PITPNC1: variants seen among roughly 807,000 people sequenced by gnomAD.
PITPNC1 encodes phosphatidylinositol transfer protein cytoplasmic 1, also known as cytoplasmic phosphatidylinositol transfer protein 1.
Under a neutral mutation model 44.7 loss-of-function variants are expected in PITPNC1, and 18 were observed. The ratio of observed to expected loss-of-function variants is 0.40; its 90% CI spans 0.28 to 0.60. The LOEUF is 0.60. Ranked by LOEUF, PITPNC1 falls within the 20% of genes least tolerant of loss-of-function variation. PITPNC1 has a pLI of 0.39. For missense variants in PITPNC1, 290 were observed against 418.4 expected (o/e 0.69, Z 2.68); for synonymous variants, 141 against 149.6 (o/e 0.94, Z 0.42).
intron 1 of PITPNC1, among the ~76,000 whole-genome samples, chr17:67,401,059 C>T (rs760751549): frequency 1.1e-4 from 17 of 151,906 alleles, no homozygotes; most frequent in Admixed American, 1.1e-3. Context: ...CTCAGCCTCC[C>T]GAGTAGCTGG....
At chr17:67,395,829 A>G (rs1304742791) in intron 1 of PITPNC1, among the ~76,000 whole-genome samples, 1 of 152,190 alleles carries the variant, frequency 6.6e-6, no homozygotes, top group Non-Finnish European at 1.5e-5. Context: ...GGTAACTAGA[A>G]TTGCATTTAG....
chr17:67,395,435 C>T (rs2038204934), intron 1 of PITPNC1, among the ~76,000 whole-genome samples: 1 of 152,112 alleles, frequency 6.6e-6, no homozygotes, highest in African/African-American at 2.4e-5. Context: ...AGGTGAGAGC[C>T]ACCACACCTG....
chr17:67,572,978 C>T (rs1246174292), intron 4 of PITPNC1, among the ~76,000 whole-genome samples: 2 of 152,206 alleles, frequency 1.3e-5, no homozygotes, highest in East Asian at 3.9e-4. Flanking sequence ...GACAGATTCT[C>T]TCCCAGAGTC....
chr17:67,451,894 C>T (rs1035399972), intron 1 of PITPNC1, among the ~76,000 whole-genome samples: 1 of 152,014 alleles, frequency 6.6e-6, no homozygotes, highest in Non-Finnish European at 1.5e-5. Flanking sequence ...CCTCGGCCTC[C>T]CAAAGTGCTG....
At chr17:67,386,389 C>T (rs1316751185) in intron 1 of PITPNC1, among the ~76,000 whole-genome samples, 1 of 152,134 alleles carries the variant, frequency 6.6e-6, no homozygotes, top group East Asian at 1.9e-4. Context: ...GTCGGGGTTT[C>T]ACCATGTTGT....
intron 5 of PITPNC1, among the ~76,000 whole-genome samples, chr17:67,592,765 A>G (rs1016965164): frequency 6.6e-6 from 1 of 152,234 alleles, no homozygotes; most frequent in Non-Finnish European, 1.5e-5. Context: ...GGCTGGACAC[A>G]GTGGCTCATG....
At chr17:67,479,873 GTACTTTTCTTTAATTAATAC>G (rs2039680335) in intron 1 of PITPNC1, among the ~76,000 whole-genome samples, 1 of 152,122 alleles carries the variant, frequency 6.6e-6, no homozygotes, top group South Asian at 2.1e-4. Context: ...GTCTGCCTCA[GTACTTTTCTTTAATTAATAC>G]TGTTTATGCT....
intron 1 of PITPNC1, among the ~76,000 whole-genome samples, chr17:67,504,435 C>T (rs1284483696): frequency 1.3e-5 from 2 of 152,174 alleles, no homozygotes; most frequent in African/African-American, 4.8e-5. Flanking sequence ...CTTTGCTATT[C>T]CAGGAACTAG....
intron 6 of PITPNC1, among the ~76,000 whole-genome samples, chr17:67,635,430 G>C (rs1458661028): frequency 6.6e-6 from 1 of 152,190 alleles, no homozygotes; most frequent in Non-Finnish European, 1.5e-5. Context: ...TACTGAAATG[G>C]GAAGGTGAGA....
In PITPNC1 at chr17:67,581,761, C is replaced by T. The variant is rs148718375; in HGVS notation, c.366+3504C>T. On this transcript the variant is annotated intron_variant, in intron 5 of 8. Transcript: ENST00000581322. Reference sequence around the variant, plus strand: ...AGAAAAGGAGCGTTGCGCCGAGGCACGGTGGCTCACGCCTGTAATCCCAGC... The same window carrying T: ...AGAAAAGGAGCGTTGCGCCGAGGCATGGTGGCTCACGCCTGTAATCCCAGC... Among the ~76,000 whole-genome samples the T allele has an allele frequency of 2.5e-3, 386 of 152,272 alleles. 2 individuals carry two copies. The highest frequency in any genetic ancestry group is 8.7e-3 in the African/African-American group (363 of 41,568).
chr17:67,441,408 C>G (rs769514541), intron 1 of PITPNC1, among the ~76,000 whole-genome samples: 4 of 152,162 alleles, frequency 2.6e-5, no homozygotes, highest in Non-Finnish European at 2.9e-5. Context: ...AGCTCAGCCT[C>G]TGATTTGCTC....
At chr17:67,567,649 C>G (rs755561965) in intron 4 of PITPNC1, among the ~76,000 whole-genome samples, 2 of 151,952 alleles carry the variant, frequency 1.3e-5, no homozygotes, top group Non-Finnish European at 2.9e-5. Context: ...ACAGTGTGAT[C>G]AGCAATTCCA....
intron 2 of PITPNC1, among the ~76,000 whole-genome samples, chr17:67,549,162 G>A (rs2040723648): frequency 6.6e-6 from 1 of 152,130 alleles, no homozygotes; most frequent in African/African-American, 2.4e-5. Flanking sequence ...AGACTGATTA[G>A]AAGAGTTCAG....
intron 2 of PITPNC1, among the ~76,000 whole-genome samples, chr17:67,550,949 T>G (rs1038355468): frequency 1.3e-5 from 2 of 152,066 alleles, no homozygotes; most frequent in Non-Finnish European, 2.9e-5. Context: ...TAGTCCCAGC[T>G]ACTCAGGAGG....
chr17:67,484,763 C>T (rs1171742115), intron 1 of PITPNC1, among the ~76,000 whole-genome samples: 1 of 152,050 alleles, frequency 6.6e-6, no homozygotes, highest in Non-Finnish European at 1.5e-5. Context: ...CATGGTGAAA[C>T]CTAGACTCTA....
chr17:67,398,128 T>C (rs139024408), intron 1 of PITPNC1, among the ~76,000 whole-genome samples: 1 of 150,850 alleles, frequency 6.6e-6, no homozygotes, highest in Non-Finnish European at 1.5e-5. Flanking sequence ...AAATTTTAAG[T>C]CCTGGTAATT....
At chr17:67,425,268 G>T in intron 1 of PITPNC1, among the ~76,000 whole-genome samples, 1 of 126,384 alleles carries the variant, frequency 7.9e-6, no homozygotes, top group Admixed American at 8.6e-5. Context: ...CACACAGAGG[G>T]AGAGAGAGAG....
rs2040140869 is a variant in PITPNC1 at position 67,508,841 on chromosome 17, G to C, written c.49-23961G>C. 1.3e-5 allele frequency among the ~76,000 whole-genome samples: 2 copies of C among 152,140 alleles called. No homozygotes were observed. The highest frequency in any genetic ancestry group is 2.1e-4 in the South Asian group (1 of 4,832). ...TGTGGTGACGGAACGTTCTAGTGATGGCTGCACAACATTGTGGTTGTACTT... is the reference window on the plus strand; with the variant it reads ...TGTGGTGACGGAACGTTCTAGTGATCGCTGCACAACATTGTGGTTGTACTT... On this transcript the variant is annotated intron_variant, in intron 1 of 8. Transcript: ENST00000581322. The surrounding 1 kb of genome is among the most constrained non-coding windows in gnomAD (Gnocchi z 4.2).
Position 67,695,230 on chromosome 17 carries a change from T to A in PITPNC1, c.*2342T>A, listed in dbSNP as rs2042990476. 1 of 152,220 alleles carries A rather than the reference T, an allele frequency of 6.6e-6. No individual in the cohort carries two copies. The highest frequency in any genetic ancestry group is 2.1e-4 in the South Asian group (1 of 4,832). The allele number at this position is 152,220 out of a possible 1,614,324, so 9.4% of individuals were successfully genotyped here. On this transcript the variant is annotated 3_prime_UTR_variant, in exon 9 of 9. Coordinates refer to ENST00000581322, the MANE Select transcript of PITPNC1 (RefSeq NM_012417.4). ...TATGTTCAGTTTTTCTGTCTACATA[T>A]GCTTTGTGTGAGTTAAAAAGGGGGT...
Sources: allele counts gnomAD v4.1 joint callset (sites outside exome capture counted in the v4.1 genomes callset), GRCh38; gene constraint gnomAD v4.1.1; non-coding constraint Gnocchi (gnomAD v3.1); transcripts MANE v1.5; gene names NCBI Gene and HGNC (gene_info 2026-07-23, HGNC 2026-07-21).